PPP1R42: variants seen among roughly 807,000 people sequenced by gnomAD.
PPP1R42 encodes the protein leucine rich repeat containing 67.
PPP1R42 carries 34 observed loss-of-function variants against 31.0 expected under a neutral mutation model. The ratio of observed to expected loss-of-function variants is 1.10; its 90% CI spans 0.83 to 1.46. The LOEUF (loss-of-function observed/expected upper bound fraction) is 1.46, where lower values mean the gene tolerates loss of function less well. Ranked by LOEUF, PPP1R42 falls within the 40% of genes most tolerant of loss-of-function variation. PPP1R42 has a pLI of 0.00. For missense variants in PPP1R42, 268 were observed against 303.0 expected (o/e 0.88, Z 0.86); for synonymous variants, 103 against 109.8 (o/e 0.94, Z 0.39).
intron 1 of PPP1R42, among the ~76,000 whole-genome samples, chr8:67,028,081 A>G (rs1816455629): frequency 6.6e-6 from 1 of 152,194 alleles, no homozygotes; most frequent in Non-Finnish European, 1.5e-5. Flanking sequence ...CACAGACTAG[A>G]GGCAGTGGAC....
At chr8:66,975,696 T>G (rs1563414074) in intron 7 of PPP1R42, among the ~76,000 whole-genome samples, 1 of 152,070 alleles carries the variant, frequency 6.6e-6, no homozygotes, top group Non-Finnish European at 1.5e-5. Context: ...ATAAAGAGAT[T>G]AATAAGGACT....
rs1249473104 is a variant in PPP1R42, at chr8:67,010,823, G to C, written c.444C>G (p.Leu148=). The C allele has an allele frequency of 1.2e-5, 19 of 1,583,790 alleles. No homozygotes were observed. The highest frequency in any genetic ancestry group is 1.5e-5 in the Non-Finnish European group (17 of 1,166,086). ...PRTLHSLAKS[L]CILNISNNNI... ...TATTATTGCTGATATTCAATATACAGAGGGATTTCTGTAAGAAAAATAACG... is the reference window on the plus strand; with the variant it reads ...TATTATTGCTGATATTCAATATACACAGGGATTTCTGTAAGAAAAATAACG... Residue 148 remains leucine, a synonymous_variant, in exon 5 of 8, where the codon CTC becomes CTG. Transcript: ENST00000685739.
intron 3 of PPP1R42, 77 bp from the exon 4 acceptor site, chr8:67,013,173 TAAC>T: frequency 8.3e-7 from 1 of 1,212,058 alleles, no homozygotes; most frequent in Non-Finnish European, 1.1e-6. Flanking sequence ...AAAAGTGTAA[TAAC>T]AAAATCACTG....
intron 7 of PPP1R42, among the ~76,000 whole-genome samples, chr8:66,981,453 C>G (rs553593520): frequency 2.0e-5 from 3 of 150,850 alleles, no homozygotes; most frequent in African/African-American, 7.3e-5. Flanking sequence ...AATCTCGGCT[C>G]ACTGCAGCCT....
At chr8:66,997,715 TA>T (rs1379114144) in intron 5 of PPP1R42, among the ~76,000 whole-genome samples, 91 of 143,408 alleles carry the variant, frequency 6.3e-4, no homozygotes, top group East Asian at 1.6e-3. Context: ...TAATTTTTTT[TA>T]AAAAAAAAAA....
Position 67,010,836 on chromosome 8 carries a change from A to T in PPP1R42, c.436-5T>A, listed in dbSNP as rs375904622. 6.4e-7 allele frequency: 1 copy of T among 1,572,716 alleles called. No homozygotes were observed. The highest frequency in any genetic ancestry group is 1.4e-5 in the African/African-American group (1 of 73,474). On this transcript the variant is annotated splice_region_variant and splice_polypyrimidine_tract_variant and intron_variant, in intron 4 of 7. Transcript: ENST00000685739. Reference sequence around the variant, plus strand: ...ATTCAATATACAGAGGGATTTCTGTAAGAAAAATAACGAAGTTAGCATTAG... The same window carrying T: ...ATTCAATATACAGAGGGATTTCTGTTAGAAAAATAACGAAGTTAGCATTAG...
intron 1 of PPP1R42, among the ~76,000 whole-genome samples, chr8:67,020,688 T>C (rs1185541793): frequency 6.6e-6 from 1 of 152,260 alleles, no homozygotes; most frequent in Admixed American, 6.5e-5. Flanking sequence ...ACCTGGTACA[T>C]AGGTCAATAA....
At chr8:67,016,099 T>C (rs905338250) in intron 2 of PPP1R42, among the ~76,000 whole-genome samples, 2 of 151,924 alleles carry the variant, frequency 1.3e-5, no homozygotes, top group African/African-American at 4.8e-5. Flanking sequence ...AAGAGAAACA[T>C]TAGGTTTGGG....
At chr8:67,020,689 A>T (rs139624695) in intron 1 of PPP1R42, among the ~76,000 whole-genome samples, 1 of 152,272 alleles carries the variant, frequency 6.6e-6, no homozygotes, top group South Asian at 2.1e-4. Flanking sequence ...CCTGGTACAT[A>T]GGTCAATAAA....
chr8:66,986,009 G>A (rs1481397094), intron 6 of PPP1R42: 8 of 748,312 alleles, frequency 1.1e-5, no homozygotes, highest in East Asian at 2.5e-5. Context: ...TAGAGCTTCC[G>A]CCTTCCTCCT....
chr8:66,991,422 A>G (rs1815186099), intron 5 of PPP1R42, among the ~76,000 whole-genome samples: 1 of 152,218 alleles, frequency 6.6e-6, no homozygotes, highest in Non-Finnish European at 1.5e-5. Flanking sequence ...AAGACATGTT[A>G]ACCAAAAGTA....
intron 7 of PPP1R42, among the ~76,000 whole-genome samples, chr8:66,966,768 G>C (rs985574800): frequency 6.6e-6 from 1 of 151,880 alleles, no homozygotes; most frequent in African/African-American, 2.4e-5. Context: ...CTGGGTGACA[G>C]AGCGAGACTC....
intron 7 of PPP1R42, among the ~76,000 whole-genome samples, chr8:66,965,089 T>C: frequency 6.6e-6 from 1 of 152,168 alleles, no homozygotes; most frequent in East Asian, 1.9e-4. Context: ...GCTTTTGAGA[T>C]CCATGTTGTT....
At chr8:66,983,867 C>T (rs538666688) in intron 6 of PPP1R42, among the ~76,000 whole-genome samples, 209 of 152,062 alleles carry the variant, frequency 1.4e-3, no homozygotes, top group Non-Finnish European at 2.2e-3. Flanking sequence ...AAGAAATTGT[C>T]AAACATCTTA....
At chr8:67,018,518 C>CTT (rs1194476543) in intron 1 of PPP1R42, among the ~76,000 whole-genome samples, 3 of 136,912 alleles carry the variant, frequency 2.2e-5, no homozygotes, top group African/African-American at 5.3e-5. Flanking sequence ...GCACTGCAAC[C>CTT]TTTTTTTTTT....
chr8:66,979,392 G>A (rs539577649), intron 7 of PPP1R42, among the ~76,000 whole-genome samples: 4 of 152,240 alleles, frequency 2.6e-5, no homozygotes, highest in Non-Finnish European at 4.4e-5. Flanking sequence ...AAAATTAGCC[G>A]GGTATGGTTG....
intron 5 of PPP1R42, among the ~76,000 whole-genome samples, chr8:67,003,490 C>T (rs946048595): frequency 7.4e-6 from 1 of 135,112 alleles, no homozygotes; most frequent in East Asian, 2.2e-4. Context: ...CAATATTCAT[C>T]TTGTTTTTTC....
Position 66,964,328 on chromosome 8 carries a change from G to A in PPP1R42, c.809C>T (p.Ser270Phe), listed in dbSNP as rs1482649087. ...GCAAGCTTTCAGATTGCTTCAAAGA[G>A]AGATTCCTGTATTTATAGAGAGGGA... Reference protein sequence around the residue: ...EDASNSLIRISL With the variant: ...EDASNSLIRIFL The change falls in exon 8 of 8, where the codon TCT becomes TTT. Residue 270 changes from serine (S) to phenylalanine (F), a missense_variant. By Grantham distance (155) the Ser-to-Phe change is radical (BLOSUM62 -2). Coordinates refer to ENST00000685739, the MANE Select transcript of PPP1R42 (RefSeq NM_001364910.1). 2 of 1,268,672 alleles carry A rather than the reference G, an allele frequency of 1.6e-6. No individual in the cohort carries two copies. The highest frequency in any genetic ancestry group is 1.3e-5 in the South Asian group (1 of 76,788). 78.6% of individuals were successfully genotyped at this position (1,268,672 alleles called of 1,614,324 possible).
At chr8:66,985,449 C>T in intron 6 of PPP1R42, 1 of 838,318 alleles carries the variant, frequency 1.2e-6, no homozygotes, top group South Asian at 1.5e-5. Context: ...TGCACCCTTG[C>T]TCATCTAGGA....
Sources: gnomAD v4.1 joint callset for allele counts (sites outside exome capture counted in the v4.1 genomes callset) on GRCh38, gnomAD v4.1.1 for gene constraint, MANE v1.5 for transcripts, NCBI Gene and HGNC (gene_info 2026-07-23, HGNC 2026-07-21) for gene names.